PDE10A: variants seen among roughly 807,000 people sequenced by gnomAD.
PDE10A encodes phosphodiesterase 10A, also known as cAMP and cAMP-inhibited cGMP 3',5'-cyclic phosphodiesterase 10A.
Under a neutral mutation model 97.7 loss-of-function variants are expected in PDE10A, and 39 were observed. The ratio of observed to expected loss-of-function variants is 0.40; its 90% CI spans 0.31 to 0.52. The LOEUF is 0.52. Ranked by LOEUF, PDE10A falls within the 20% of genes least tolerant of loss-of-function variation. The pLI is 0.56. For missense variants in PDE10A, 731 were observed against 1,047.8 expected (o/e 0.70, Z 4.17); for synonymous variants, 371 against 376.8 (o/e 0.98, Z 0.18).
chr6:165,704,886 A>G (rs1451071807), intron 1 of PDE10A, among the ~76,000 whole-genome samples: 1 of 152,216 alleles, frequency 6.6e-6, no homozygotes, highest in Non-Finnish European at 1.5e-5. Flanking sequence ...ACAGTCCATG[A>G]TGGACCATTA....
chr6:165,373,851 A>T (rs1337315074), intron 18 of PDE10A, among the ~76,000 whole-genome samples: 1 of 151,792 alleles, frequency 6.6e-6, no homozygotes, highest in Non-Finnish European at 1.5e-5. Flanking sequence ...ACAATGATAG[A>T]CTGGATTAAG....
At chr6:165,683,480 G>A (rs1053145946) in intron 1 of PDE10A, among the ~76,000 whole-genome samples, 4 of 152,202 alleles carry the variant, frequency 2.6e-5, no homozygotes, top group East Asian at 1.9e-4. Flanking sequence ...TTGCAGTCAC[G>A]TTTCTCTACA....
intron 1 of PDE10A, among the ~76,000 whole-genome samples, chr6:165,963,431 T>C (rs1034006819): frequency 6.6e-6 from 1 of 152,194 alleles, no homozygotes; most frequent in African/African-American, 2.4e-5. Context: ...AAAAGTGGCG[T>C]GAAGGAAGTA....
intron 1 of PDE10A, among the ~76,000 whole-genome samples, chr6:165,914,458 C>T (rs145353674): frequency 4.6e-4 from 70 of 152,316 alleles, no homozygotes; most frequent in Middle Eastern, 3.4e-3. Flanking sequence ...CACCAAGTTG[C>T]CCCTCACGTT....
chr6:165,559,441 T>C (rs185696157), intron 1 of PDE10A, among the ~76,000 whole-genome samples: 72 of 152,342 alleles, frequency 4.7e-4, no homozygotes, highest in African/African-American at 1.7e-3. Flanking sequence ...TCCTATATTA[T>C]TGGTTTAAAT....
At chr6:165,924,382 T>C (rs1441133123) in intron 1 of PDE10A, among the ~76,000 whole-genome samples, 3 of 151,934 alleles carry the variant, frequency 2.0e-5, no homozygotes, top group Non-Finnish European at 4.4e-5. Flanking sequence ...TTGGATGGAA[T>C]ATCCCCCTCT....
chr6:165,768,897 G>A (rs1562727175), intron 1 of PDE10A, among the ~76,000 whole-genome samples: 1 of 152,068 alleles, frequency 6.6e-6, no homozygotes, highest in African/African-American at 2.4e-5. Flanking sequence ...AAGCAAAATG[G>A]ACCAGAGCAT....
At chr6:165,970,112 T>C (rs1406990556) in intron 1 of PDE10A, among the ~76,000 whole-genome samples, 2 of 152,084 alleles carry the variant, frequency 1.3e-5, no homozygotes, top group Non-Finnish European at 2.9e-5. Context: ...CATGAGTATA[T>C]ACCAAAACAG....
chr6:165,893,951 A>G (rs1261361312), intron 1 of PDE10A, among the ~76,000 whole-genome samples: 2 of 152,006 alleles, frequency 1.3e-5, no homozygotes, highest in East Asian at 3.9e-4. Context: ...AAAGTTGGCA[A>G]TGAAGATTCT....
chr6:165,384,631 AGTGTGTGTGT>A lies in PDE10A; in HGVS notation c.2610+3657_2610+3666del, dbSNP rs57175607. Among the ~76,000 whole-genome samples the A allele has an allele frequency of 3.4e-4, 23 of 67,018 alleles. 1 individual carries two copies. Among genetic ancestry groups the A allele is most frequent in the African/African-American group, 6.3e-4 (10 of 15,910 alleles). 44.0% of individuals were successfully genotyped at this position (67,018 alleles called of 152,430 possible). On this transcript the variant is annotated intron_variant, in intron 17 of 21. Transcript: ENST00000539869. ...TAACGTGTGTGTGTATGTGTGAGTG[AGTGTGTGTGT>A]GTGTGTGTGTGTGTGTGTGTGTGTG...
rs370444666 is a variant in PDE10A, at chr6:165,928,840, T to C, written c.-615+58689A>G. ...AGCAATTGCTCAGCCCCGACTCCACTGTGTGTCCCCAAAATGTACTCAGGG... is the reference window on the plus strand; with the variant it reads ...AGCAATTGCTCAGCCCCGACTCCACCGTGTGTCCCCAAAATGTACTCAGGG... On this transcript the variant is annotated intron_variant, in intron 1 of 19. Coordinates refer to the PDE10A transcript ENST00000366882. Among the ~76,000 whole-genome samples the C allele has an allele frequency of 3.3e-5, 5 of 152,312 alleles. No individual in the cohort carries two copies. In the East Asian group the frequency reaches 7.7e-4, roughly 24 times the overall value.
At position 165,880,906 on chromosome 6, in the gene PDE10A, A is replaced by G. The variant is rs143278469; in HGVS notation, c.-615+106623T>C. Among the ~76,000 whole-genome samples, 272 of 152,346 alleles carry G rather than the reference A, an allele frequency of 1.8e-3. 1 individual carries two copies. The highest frequency in any genetic ancestry group is 6.2e-3 in the African/African-American group (259 of 41,582). ...AGTTGTTAAATCCATGTGCATTTCG[A>G]GGGAAATTTCATCCATATGTTTCTA... is the stretch of plus-strand genomic sequence containing the variant. On this transcript the variant is annotated intron_variant, in intron 1 of 19. Coordinates refer to the PDE10A transcript ENST00000366882.
intron 4 of PDE10A, 38 bp downstream of exon 4, chr6:165,450,204 G>GA: frequency 7.6e-7 from 1 of 1,310,174 alleles, no homozygotes; most frequent in Non-Finnish European, 9.9e-7. Flanking sequence ...AAGAATCTTT[G>GA]CCCATTTTTT....
At chr6:165,601,278 T>C (rs1453636161) in intron 1 of PDE10A, among the ~76,000 whole-genome samples, 1 of 152,242 alleles carries the variant, frequency 6.6e-6, no homozygotes, top group East Asian at 1.9e-4. Context: ...AACCTCTCTT[T>C]CTTCCCAGTC....
intron 15 of PDE10A, among the ~76,000 whole-genome samples, chr6:165,393,567 A>C (rs1351336229): frequency 6.6e-6 from 1 of 152,192 alleles, no homozygotes; most frequent in African/African-American, 2.4e-5. Flanking sequence ...CTCCACTGAA[A>C]ATTTTCAAAT....
chr6:165,927,145 G>A (rs1246610622), intron 1 of PDE10A, among the ~76,000 whole-genome samples: 2 of 152,110 alleles, frequency 1.3e-5, no homozygotes, highest in African/African-American at 4.8e-5. Context: ...GTTGATGCAT[G>A]CAGCAAACCA....
chr6:165,719,978 G>A (rs565746163), intron 1 of PDE10A, among the ~76,000 whole-genome samples: 24 of 152,320 alleles, frequency 1.6e-4, no homozygotes, highest in African/African-American at 5.1e-4. Flanking sequence ...GTCCACAAAG[G>A]TGTGTAAAAC....
chr6:165,765,198 A>C (rs2128458745), intron 1 of PDE10A, among the ~76,000 whole-genome samples: 1 of 152,400 alleles, frequency 6.6e-6, no homozygotes, highest in East Asian at 1.9e-4. Context: ...AGGCCCCACC[A>C]GACTCAGGAG....
chr6:165,453,515 T>C (rs561631159), intron 3 of PDE10A, among the ~76,000 whole-genome samples: 84 of 152,138 alleles, frequency 5.5e-4, no homozygotes, highest in Non-Finnish European at 1.0e-3. Flanking sequence ...TTCCAGAAGG[T>C]GTCCATGGAA....
Sources: gnomAD v4.1 joint callset for allele counts (sites outside exome capture counted in the v4.1 genomes callset) on GRCh38, gnomAD v4.1.1 for gene constraint, MANE v1.5 for transcripts, NCBI Gene and HGNC (gene_info 2026-07-23, HGNC 2026-07-21) for gene names.